Variants in CENPC observed in about 807,000 individuals in gnomAD.
CENPC encodes centromere protein C, also known as CENP-C 1.
A neutral mutation model predicts 112.1 loss-of-function variants in CENPC; 63 were observed. The observed-to-expected ratio is 0.56, with a 90% CI of 0.46 to 0.69. The LOEUF (loss-of-function observed/expected upper bound fraction) is 0.69. Among genes scored for constraint, CENPC ranks in the 30% least tolerant of loss-of-function variants. The probability of loss-of-function intolerance (pLI) is 0.00; values close to 1 mark genes in which losing one functional copy is unlikely to be tolerated. For missense variants in CENPC, 1,000 were observed against 1,103.8 expected (o/e 0.91, Z 1.33); for synonymous variants, 333 against 367.6 (o/e 0.91, Z 1.08).
chr4:67,532,518 G>C (rs1283029637), intron 4 of CENPC, among the ~76,000 whole-genome samples: 3 of 152,158 alleles, frequency 2.0e-5, no homozygotes, highest in Admixed American at 6.6e-5. Context: ...CAATGATAGA[G>C]TGGATTAAGA....
chr4:67,503,735 T>C lies in CENPC; in HGVS notation c.2131+1470A>G, dbSNP rs562616713. Among the ~76,000 whole-genome samples the C allele has an allele frequency of 3.0e-3, 463 of 152,200 alleles. 2 individuals are homozygous for C. Among genetic ancestry groups the C allele is most frequent in the South Asian group, 0.012 (57 of 4,822 alleles). ...TATCTGTATACAAATTATTCCCTTT[T>C]TCAAGCACCAATGGAAAAATTATAA... On this transcript the variant is annotated intron_variant, in intron 12 of 18. Coordinates refer to ENST00000273853, the MANE Select transcript of CENPC (RefSeq NM_001812.4).
In CENPC at chr4:67,492,245, G is replaced by C. The variant is rs1295575036; in HGVS notation, c.2450C>G (p.Pro817Arg). The C allele has an allele frequency of 6.4e-7, 1 of 1,564,530 alleles. No homozygotes were observed. Residue 817 changes from proline to arginine, a missense_variant, in exon 16 of 19, where the codon CCT (proline) becomes CGT (arginine). Physicochemically the swap from Pro to Arg is moderately radical, Grantham distance 103. Transcript: ENST00000273853. ...KTNLMVNLGIPLGDPLQPTRV... is the reference protein window; with the variant it reads ...KTNLMVNLGIRLGDPLQPTRV... ...CGTTGGCTGCAAAGGATCTCCAAGA[G>C]GTATACCTAGATTTACCATTAAGTT...
At chr4:67,543,140 C>CTTA (rs1351565362) in intron 2 of CENPC, among the ~76,000 whole-genome samples, 1 of 152,090 alleles carries the variant, frequency 6.6e-6, no homozygotes, top group African/African-American at 2.4e-5. Context: ...TTTAGGAGAG[C>CTTA]TTATTCAAGC....
chr4:67,500,221 T>G (rs2109787465), intron 12 of CENPC, among the ~76,000 whole-genome samples: 1 of 151,962 alleles, frequency 6.6e-6, no homozygotes, highest in East Asian at 1.9e-4. Context: ...GCCACAAACC[T>G]TCAATTTGTG....
Position 67,514,664 on chromosome 4 carries a change from G to A in CENPC, c.854C>T (p.Thr285Ile), listed in dbSNP as rs768239915. ...GGGAGGACACGAATGAGGTGGAGCA[G>A]TTGCCGCATGCCTAACAATGGGACT... ...ESSPIVRHAA[T>I]APPHSCPPDD... Residue 285 changes from threonine to isoleucine, a missense_variant, in exon 8 of 19, where the codon ACT becomes ATT. Transcript: ENST00000273853. The A allele has an allele frequency of 1.9e-6, 3 of 1,607,886 alleles. No homozygotes were observed. Among genetic ancestry groups the A allele is most frequent in the Admixed American group, 3.4e-5 (2 of 59,450 alleles).
intron 7 of CENPC, among the ~76,000 whole-genome samples, chr4:67,517,391 ATC>A (rs905296973): frequency 3.3e-5 from 5 of 151,058 alleles, no homozygotes; most frequent in African/African-American, 1.2e-4. Flanking sequence ...TGAACCTCTG[ATC>A]TCAAGTGATC....
intron 17 of CENPC, among the ~76,000 whole-genome samples, chr4:67,489,307 G>A (rs965669792): frequency 2.6e-5 from 4 of 151,442 alleles, no homozygotes; most frequent in Non-Finnish European, 4.4e-5. Flanking sequence ...TAAAGAGAAA[G>A]AAGGAGAAGA....
chr4:67,519,522 A>C lies in CENPC; in HGVS notation c.332-20T>G. 1.3e-5 allele frequency: 19 copies of C among 1,411,670 alleles called. No homozygotes were observed. Among genetic ancestry groups the C allele is most frequent in the Non-Finnish European group, 1.7e-5 (18 of 1,068,398 alleles). The allele number at this position is 1,411,670 out of a possible 1,614,324, so 87.4% of individuals were successfully genotyped here. On this transcript the variant is annotated intron_variant, in intron 5 of 18. Coordinates refer to ENST00000273853, the MANE Select transcript of CENPC (RefSeq NM_001812.4). ...CCTGAACTAGAAGAAAATTATATAA[A>C]GATATTTGTCAATTAAAAGAATAAT...
At position 67,515,923 on chromosome 4, in the gene CENPC, T is replaced by C. The variant is rs116231948; in HGVS notation, c.831-1236A>G. Among the ~76,000 whole-genome samples, 1,501 of 152,090 alleles carry C rather than the reference T, an allele frequency of 9.9e-3. 21 individuals carry two copies. The highest frequency in any genetic ancestry group is 0.015 in the Non-Finnish European group (994 of 68,028). ...TTTCCCAACTCTAGACCTTTCTCCA[T>C]AGTCCTAGCCCAAACTTTATGTATT... On this transcript the variant is annotated intron_variant, in intron 7 of 18. Transcript: ENST00000273853.
At chr4:67,540,005 C>T (rs1055498754) in intron 3 of CENPC, 71 bp from the exon 4 acceptor site, 2 of 735,274 alleles carry the variant, frequency 2.7e-6, no homozygotes, top group South Asian at 2.3e-5. Flanking sequence ...TTAAAAGTAG[C>T]TGTATATGAC....
intron 10 of CENPC, 147 bp downstream of exon 10, chr4:67,508,667 A>T: frequency 1.4e-6 from 1 of 693,128 alleles, no homozygotes; most frequent in Non-Finnish European, 2.4e-6. Flanking sequence ...TCATCCAGCT[A>T]ATGGTAGAGG....
At chr4:67,511,660 G>A (rs1256782110) in intron 9 of CENPC, among the ~76,000 whole-genome samples, 5 of 152,088 alleles carry the variant, frequency 3.3e-5, no homozygotes, top group African/African-American at 1.2e-4. Flanking sequence ...CTTCCTTCAG[G>A]GAGTCTGGAA....
chr4:67,492,079 T>G (rs536379252), intron 16 of CENPC, 101 bp downstream of exon 16: 1 of 749,248 alleles, frequency 1.3e-6, no homozygotes, highest in Non-Finnish European at 2.2e-6. Flanking sequence ...ACTGATAGAA[T>G]TGGGGAGAGA....
intron 10 of CENPC, among the ~76,000 whole-genome samples, chr4:67,507,711 A>T (rs1258566919): frequency 6.6e-6 from 1 of 152,154 alleles, no homozygotes; most frequent in Non-Finnish European, 1.5e-5. Context: ...GTTTCAAAAA[A>T]TAGAGAGATA....
At chr4:67,485,000 G>A (rs988338269) in intron 17 of CENPC, among the ~76,000 whole-genome samples, 1 of 152,178 alleles carries the variant, frequency 6.6e-6, no homozygotes, top group Admixed American at 6.5e-5. Context: ...GGCTGAGGCA[G>A]GAGAATGGCG....
At chr4:67,512,790 G>A (rs1725933915) in intron 8 of CENPC, among the ~76,000 whole-genome samples, 2 of 151,938 alleles carry the variant, frequency 1.3e-5, no homozygotes, top group South Asian at 2.1e-4. Flanking sequence ...CACACTGCTT[G>A]ATAACTCTTA....
chr4:67,506,846 T>C lies in CENPC; in HGVS notation c.1993A>G (p.Ile665Val), dbSNP rs1191022844. The change falls in exon 11 of 19, where the codon ATA becomes GTA. Residue 665 changes from isoleucine (I) to valine (V), a missense_variant. Transcript: ENST00000273853. ...KPQTSGYTCNIPTESNLDSGE... is the reference protein window; with the variant it reads ...KPQTSGYTCNVPTESNLDSGE... ...GAATCCAAGTTTGACTCTGTTGGTA[T>C]ATTACATGTATATCCACTGGTCTGA... The C allele has an allele frequency of 1.2e-6, 2 of 1,612,402 alleles. No individual in the cohort carries two copies. Among genetic ancestry groups the C allele is most frequent in the Non-Finnish European group, 1.7e-6 (2 of 1,179,056 alleles).
intron 5 of CENPC, among the ~76,000 whole-genome samples, chr4:67,523,639 T>C (rs1726293417): frequency 6.8e-6 from 1 of 148,072 alleles, no homozygotes; most frequent in African/African-American, 2.5e-5. Context: ...AAGATATTTA[T>C]AGGTATGTGT....
intron 9 of CENPC, chr4:67,510,956 T>A: frequency 2.2e-6 from 1 of 455,012 alleles, no homozygotes; most frequent in Non-Finnish European, 4.4e-6. Context: ...TTATCCAAGT[T>A]CTGTAAGAAT....
Sources: gnomAD v4.1 joint callset for allele counts (sites outside exome capture counted in the v4.1 genomes callset) on GRCh38, gnomAD v4.1.1 for gene constraint, MANE v1.5 for transcripts, NCBI Gene and HGNC (gene_info 2026-07-23, HGNC 2026-07-21) for gene names.